NOVA1: variants seen among roughly 807,000 people sequenced by gnomAD.
NOVA1 encodes RNA-binding protein Nova-1.
In NOVA1, 7 loss-of-function variants were observed where a neutral mutation model predicts 38.0. That is an observed-to-expected ratio of 0.18 (90% CI 0.10 to 0.35). The LOEUF is 0.35. Ranked by LOEUF, NOVA1 falls within the 10% of genes least tolerant of loss-of-function variation. NOVA1 has a pLI of 1.00. For synonymous variants in NOVA1, 270 were observed against 232.5 expected, an observed-to-expected ratio of 1.16 and a Z score of -1.47; for missense variants, 460 against 616.0, an observed-to-expected ratio of 0.75 and a Z score of 2.68.
At chr14:26,511,879 T>C (rs935205461) in intron 2 of NOVA1, among the ~76,000 whole-genome samples, 4 of 152,154 alleles carry the variant, frequency 2.6e-5, no homozygotes, top group African/African-American at 9.7e-5. Flanking sequence ...CTAGGTAGTC[T>C]AGTAAATACT....
At chr14:26,462,092 C>T (rs1177621234) in intron 4 of NOVA1, among the ~76,000 whole-genome samples, 2 of 151,516 alleles carry the variant, frequency 1.3e-5, no homozygotes, top group African/African-American at 4.8e-5. Flanking sequence ...TTTGTAAATT[C>T]AGTGTGCCCT....
chr14:26,551,612 C>T (rs947468713), intron 2 of NOVA1, among the ~76,000 whole-genome samples: 3 of 151,954 alleles, frequency 2.0e-5, no homozygotes, highest in Admixed American at 6.6e-5. Context: ...ACTGTACTTA[C>T]TTGGAATAGA....
chr14:26,538,061 G>C (rs574035590), intron 2 of NOVA1, among the ~76,000 whole-genome samples: 2 of 152,220 alleles, frequency 1.3e-5, no homozygotes, highest in African/African-American at 4.8e-5. Flanking sequence ...ATAAACGGCA[G>C]GGGGAAACTG....
At chr14:26,556,654 A>G (rs1891497574) in intron 2 of NOVA1, among the ~76,000 whole-genome samples, 1 of 152,162 alleles carries the variant, frequency 6.6e-6, no homozygotes, top group Non-Finnish European at 1.5e-5. Context: ...GATCAGCCGG[A>G]CTTCATTAAA....
At chr14:26,574,862 C>G (rs1314689668) in intron 2 of NOVA1, among the ~76,000 whole-genome samples, 5 of 151,910 alleles carry the variant, frequency 3.3e-5, no homozygotes, top group Non-Finnish European at 7.4e-5. Context: ...GAGTCTCACT[C>G]TGTTGCCCAG....
intron 2 of NOVA1, among the ~76,000 whole-genome samples, chr14:26,543,594 A>T (rs1253325320): frequency 6.6e-6 from 1 of 152,084 alleles, no homozygotes; most frequent in Non-Finnish European, 1.5e-5. Context: ...ACTGGGTAGA[A>T]TACCGAAGGA....
At chr14:26,488,717 A>G (rs1886106287) in intron 2 of NOVA1, among the ~76,000 whole-genome samples, 1 of 152,132 alleles carries the variant, frequency 6.6e-6, no homozygotes, top group Non-Finnish European at 1.5e-5. Flanking sequence ...TGCCATAACA[A>G]ATTTTTATTA....
intron 2 of NOVA1, among the ~76,000 whole-genome samples, chr14:26,538,702 A>G (rs1223857121): frequency 6.6e-6 from 1 of 151,710 alleles, no homozygotes; most frequent in Non-Finnish European, 1.5e-5. Context: ...TCCCTTGTTC[A>G]TCTTCTGCAC....
intron 2 of NOVA1, among the ~76,000 whole-genome samples, chr14:26,493,766 T>G (rs1379064903): frequency 6.6e-6 from 1 of 152,080 alleles, no homozygotes; most frequent in Non-Finnish European, 1.5e-5. Context: ...CTCCCTGCAG[T>G]TTTTGATCTC....
intron 4 of NOVA1, among the ~76,000 whole-genome samples, chr14:26,461,137 A>C (rs1005945857): frequency 2.0e-5 from 3 of 152,196 alleles, no homozygotes; most frequent in Non-Finnish European, 4.4e-5. Flanking sequence ...GAATCTTGCA[A>C]ATCTACCTAG....
At chr14:26,481,002 C>T (rs1194600835) in intron 2 of NOVA1, among the ~76,000 whole-genome samples, 1 of 151,942 alleles carries the variant, frequency 6.6e-6, no homozygotes, top group Non-Finnish European at 1.5e-5. Context: ...CTGTGTCTAA[C>T]ACACAGGTCG....
In NOVA1 at chr14:26,443,608, G is replaced by T. The variant is rs757720280; in HGVS notation, c.*4351C>A. ...CTGATGAAACAAAAAATAACATGCA[G>T]ATTTCCAAATATAATCTGTTAAAGT... is the stretch of plus-strand genomic sequence containing the variant. On this transcript the variant is annotated 3_prime_UTR_variant, in exon 5 of 5. Coordinates refer to ENST00000539517, the MANE Select transcript of NOVA1 (RefSeq NM_002515.3). 1 of 152,148 alleles carries T rather than the reference G, an allele frequency of 6.6e-6. No individual in the cohort carries two copies. Among genetic ancestry groups the T allele is most frequent in the Non-Finnish European group, 1.5e-5 (1 of 67,830 alleles). 9.4% of individuals were successfully genotyped at this position (152,148 alleles called of 1,614,324 possible).
At chr14:26,513,741 G>C (rs1479130715) in intron 2 of NOVA1, among the ~76,000 whole-genome samples, 1 of 151,552 alleles carries the variant, frequency 6.6e-6, no homozygotes, top group Non-Finnish European at 1.5e-5. Flanking sequence ...CAAATGAAAA[G>C]TATTCTCAAC....
intron 2 of NOVA1, among the ~76,000 whole-genome samples, chr14:26,518,449 G>A (rs948066262): frequency 2.0e-5 from 3 of 151,898 alleles, no homozygotes; most frequent in South Asian, 2.1e-4. Context: ...TCACTTTAAT[G>A]CTACGACAAA....
At chr14:26,518,254 GATA>G (rs1326791225) in intron 2 of NOVA1, among the ~76,000 whole-genome samples, 2 of 151,894 alleles carry the variant, frequency 1.3e-5, no homozygotes, top group African/African-American at 4.8e-5. Flanking sequence ...ACTGTGTTGG[GATA>G]ATGAGTAATG....
At chr14:26,533,786 G>C (rs1262890493) in intron 2 of NOVA1, among the ~76,000 whole-genome samples, 3 of 152,114 alleles carry the variant, frequency 2.0e-5, no homozygotes, top group African/African-American at 7.2e-5. Context: ...ACAGCACCTA[G>C]CACAATGCTT....
At chr14:26,475,587 C>G (rs1430890722) in intron 3 of NOVA1, among the ~76,000 whole-genome samples, 1 of 152,038 alleles carries the variant, frequency 6.6e-6, no homozygotes, top group Non-Finnish European at 1.5e-5. Flanking sequence ...GCCATTTTTT[C>G]TTTCAAACGG....
At chr14:26,472,484 C>A in intron 3 of NOVA1, 93 bp from the exon 4 acceptor site, 1 of 541,480 alleles carries the variant, frequency 1.8e-6, no homozygotes, top group Non-Finnish European at 3.0e-6. Flanking sequence ...TGTAATATAA[C>A]GAGAACAAAA....
chr14:26,484,935 A>C (rs1885768016), intron 2 of NOVA1, among the ~76,000 whole-genome samples: 1 of 152,128 alleles, frequency 6.6e-6, no homozygotes, highest in Non-Finnish European at 1.5e-5. Flanking sequence ...AGGTACAGCA[A>C]TGACCAAACA....
Sources: allele counts gnomAD v4.1 joint callset (sites outside exome capture counted in the v4.1 genomes callset), GRCh38; gene constraint gnomAD v4.1.1; transcripts MANE v1.5; gene names NCBI Gene and HGNC (gene_info 2026-07-23, HGNC 2026-07-21).